The following PCDHA5 variants were observed in gnomAD, a reference collection of about 807,000 sequenced individuals.
The protein encoded by PCDHA5 is protocadherin alpha-5.
In PCDHA5, 43 loss-of-function variants were observed where a neutral mutation model predicts 61.6. The observed-to-expected ratio is 0.70, with a 90% confidence interval of 0.55 to 0.90. PCDHA5 has a LOEUF of 0.90. Among genes scored for constraint, PCDHA5 ranks in the 40% least tolerant of loss-of-function variants. The pLI is 0.00. For missense variants in PCDHA5, 1,298 were observed against 1,222.7 expected (o/e 1.06, Z -0.92); for synonymous variants, 627 against 543.9 (o/e 1.15, Z -2.13).
intron 1 of PCDHA5, among the ~76,000 whole-genome samples, chr5:140,938,027 T>C (rs1372788447): frequency 6.6e-6 from 1 of 152,220 alleles, no homozygotes; most frequent in Non-Finnish European, 1.5e-5. Flanking sequence ...TAAAATCTCA[T>C]ATTTTTATAT....
chr5:140,891,040 C>A (rs2062916193), intron 1 of PCDHA5, among the ~76,000 whole-genome samples: 1 of 145,080 alleles, frequency 6.9e-6, no homozygotes, highest in Admixed American at 6.6e-5. Context: ...TTAGGTGTGA[C>A]CCCCACAGCA....
In PCDHA5 at chr5:140,824,078, T is replaced by A; in HGVS notation, c.2303T>A (p.Leu768His). The change falls in exon 1 of 4, where the codon CTC (leucine) becomes CAC (histidine). Residue 768 changes from leucine to histidine, a missense_variant. By Grantham distance (99) the Leu-to-His change is moderately conservative. Transcript: ENST00000529859. The part of the protein sequence containing the change: ...CSGEAPPKTD[L>H]MAFSPSLPQG... The stretch of plus-strand genomic sequence containing the variant: ...GGGGAAGCTCCACCCAAAACAGACC[T>A]CATGGCCTTCAGTCCAAGCCTTCCT... The A allele has an allele frequency of 6.2e-7, 1 of 1,614,194 alleles. No homozygotes were observed. Among genetic ancestry groups the A allele is most frequent in the South Asian group, 1.1e-5 (1 of 91,084 alleles).
Position 140,882,762 on chromosome 5 carries a change from A to G in PCDHA5, c.2352+58635A>G, listed in dbSNP as rs2059298878. 1.9e-6 allele frequency: 3 copies of G among 1,614,200 alleles called. No individual in the cohort carries two copies. The East Asian group carries it at 6.7e-5, about 36-fold the overall frequency. On this transcript the variant is annotated intron_variant, in intron 1 of 3. Transcript: ENST00000529859. ...GCATCCGATGCAGATATTGGAGTAA[A>G]CTCGGCATTGACCTACCGACTGGAT... is the stretch of plus-strand genomic sequence containing the variant.
At chr5:140,946,477 T>C (rs1223421073) in intron 1 of PCDHA5, among the ~76,000 whole-genome samples, 2 of 151,720 alleles carry the variant, frequency 1.3e-5, no homozygotes, top group Non-Finnish European at 2.9e-5. Flanking sequence ...ACTGGGTATA[T>C]ATCCAAAGGA....
At chr5:140,857,904 T>C in intron 1 of PCDHA5, 2 of 1,597,710 alleles carry the variant, frequency 1.3e-6, no homozygotes, top group South Asian at 1.1e-5. Context: ...GGTGCACGCA[T>C]CCCGTTTCGC....
chr5:140,993,811 G>A (rs1554253953), intron 3 of PCDHA5, among the ~76,000 whole-genome samples: 3 of 152,154 alleles, frequency 2.0e-5, no homozygotes, highest in African/African-American at 2.4e-5. Flanking sequence ...TGTAGCCTAG[G>A]AGCAATAGGC....
intron 1 of PCDHA5, among the ~76,000 whole-genome samples, chr5:140,873,080 C>G (rs1582109442): frequency 2.6e-5 from 4 of 151,946 alleles, no homozygotes; most frequent in Admixed American, 2.6e-4. Context: ...CTAGCTATTT[C>G]CCCCCCGTAT....
rs901766941 is a variant in PCDHA5 at position 140,982,266 on chromosome 5, G to A, written c.2412-209G>A. The A allele has an allele frequency of 6.1e-5, 54 of 879,038 alleles. No homozygotes were observed. In the African/African-American group the frequency reaches 7.6e-4, roughly 12 times the overall value. The allele number at this position is 879,038 out of a possible 1,614,324, so 54.5% of individuals were successfully genotyped here. ...TAAAGATAGAACATGTGTGTTCCTG[G>A]AATAGTATAGCAGGCAATAAGTAAG... On this transcript the variant is annotated intron_variant, in intron 2 of 3. Coordinates refer to ENST00000529859, the MANE Select transcript of PCDHA5 (RefSeq NM_018908.3).
At chr5:140,921,621 A>G (rs1274986378) in intron 1 of PCDHA5, among the ~76,000 whole-genome samples, 1 of 152,222 alleles carries the variant, frequency 6.6e-6, no homozygotes, top group African/African-American at 2.4e-5. Context: ...ATATCATCAG[A>G]TCATCATTAT....
chr5:140,972,399 T>C (rs1554234105), intron 1 of PCDHA5, among the ~76,000 whole-genome samples: 2 of 152,062 alleles, frequency 1.3e-5, no homozygotes, highest in South Asian at 2.1e-4. Context: ...TGCTTCACTA[T>C]TGGCAAACCC....
chr5:140,998,442 T>G lies in PCDHA5; in HGVS notation c.2501-11185T>G, dbSNP rs368931467. On this transcript the variant is annotated intron_variant, in intron 3 of 3. Coordinates refer to ENST00000529859, the MANE Select transcript of PCDHA5 (RefSeq NM_018908.3). ...GGTTTATCCTTTAACACTATTATTGTATTTATTCATTTACTTGTCTTTTCC... is the reference window on the plus strand; with the variant it reads ...GGTTTATCCTTTAACACTATTATTGGATTTATTCATTTACTTGTCTTTTCC... 1.7e-4 allele frequency among the ~76,000 whole-genome samples: 26 copies of G among 152,352 alleles called. No individual in the cohort carries two copies. In the South Asian group the frequency reaches 5.2e-3, roughly 30 times the overall value.
chr5:140,829,250 T>C, intron 1 of PCDHA5: 1 of 1,614,278 alleles, frequency 6.2e-7, no homozygotes, highest in Non-Finnish European at 8.5e-7. Context: ...GCAGGTGAAC[T>C]GCTCGCTGAC....
intron 3 of PCDHA5, among the ~76,000 whole-genome samples, chr5:140,983,431 G>T (rs947907651): frequency 5.3e-5 from 8 of 152,198 alleles, no homozygotes; most frequent in African/African-American, 1.9e-4. Flanking sequence ...ACCACAAATT[G>T]TGTCTACTCT....
rs781792274 is a variant in PCDHA5 at position 140,927,895 on chromosome 5, G to C, written c.2353-51054G>C. ...GCTGGTGGAGGTGACTGACGTGAAC[G>C]ATCATGCCCCCGAACTGGACTTCCT... On this transcript the variant is annotated intron_variant, in intron 1 of 3. Coordinates refer to ENST00000529859, the MANE Select transcript of PCDHA5 (RefSeq NM_018908.3). The C allele has an allele frequency of 3.7e-6, 6 of 1,614,074 alleles. No homozygotes were observed. The South Asian group carries it at 6.6e-5, about 18-fold the overall frequency.
rs143767190 is a variant in PCDHA5, at chr5:140,836,000, T to C, written c.2352+11873T>C. 1,476 of 1,613,102 alleles carry C rather than the reference T, an allele frequency of 9.2e-4. 25 individuals are homozygous for C. In the East Asian group the frequency reaches 0.013, roughly 14 times the overall value. On this transcript the variant is annotated intron_variant, in intron 1 of 3. Transcript: ENST00000529859. ...TGCAGTTCCAGGTGAGCGCGCGCGATGCGGGCGTGCCGCCTCTGGGCAGCA... is the reference window on the plus strand; with the variant it reads ...TGCAGTTCCAGGTGAGCGCGCGCGACGCGGGCGTGCCGCCTCTGGGCAGCA...
intron 1 of PCDHA5, among the ~76,000 whole-genome samples, chr5:140,898,629 C>T (rs2066883647): frequency 1.3e-5 from 2 of 152,194 alleles, no homozygotes; most frequent in Admixed American, 1.3e-4. Context: ...AGCATAATGC[C>T]TCCAGCTTTG....
Position 141,010,271 on chromosome 5 carries a change from C to T in PCDHA5, c.*334C>T, listed in dbSNP as rs1031489236. The T allele has an allele frequency of 5.5e-5, 85 of 1,551,586 alleles. No individual in the cohort carries two copies. The highest frequency in any genetic ancestry group is 7.2e-5 in the Non-Finnish European group (83 of 1,146,992). On this transcript the variant is annotated 3_prime_UTR_variant, in exon 4 of 4. Coordinates refer to ENST00000529859, the MANE Select transcript of PCDHA5 (RefSeq NM_018908.3). ...CTCTCTGCCCTGTGCTCCGGGGATCCTGTCTTGATGACACTTGCAGGGCAG... is the reference window on the plus strand; with the variant it reads ...CTCTCTGCCCTGTGCTCCGGGGATCTTGTCTTGATGACACTTGCAGGGCAG...
In PCDHA5 at chr5:141,009,476, C is replaced by G. The variant is rs970744618; in HGVS notation, c.2501-151C>G. ...TTAAACAAATAAATAAATAAGTAAA[C>G]ACTTGCCTTGCCCTCAGACTTGAAC... On this transcript the variant is annotated intron_variant, in intron 3 of 3. Coordinates refer to ENST00000529859, the MANE Select transcript of PCDHA5 (RefSeq NM_018908.3). 2.3e-5 allele frequency: 32 copies of G among 1,420,036 alleles called. No individual in the cohort carries two copies. The East Asian group carries it at 7.2e-4, about 32-fold the overall frequency. 88.0% of individuals were successfully genotyped at this position (1,420,036 alleles called of 1,614,324 possible).
chr5:140,834,770 C>G lies in PCDHA5; in HGVS notation c.2352+10643C>G, dbSNP rs781912893. 4 of 1,613,922 alleles carry G rather than the reference C, an allele frequency of 2.5e-6. No homozygotes were observed. Among genetic ancestry groups the G allele is most frequent in the African/African-American group, 1.3e-5 (1 of 74,870 alleles). On this transcript the variant is annotated intron_variant, in intron 1 of 3. Transcript: ENST00000529859. ...TGGAGGTGAAGGACATTAACGACAACCCTCCGGTGTTCCCAGCGACACAAA... is the reference window on the plus strand; with the variant it reads ...TGGAGGTGAAGGACATTAACGACAAGCCTCCGGTGTTCCCAGCGACACAAA...
Sources: allele counts gnomAD v4.1 joint callset (sites outside exome capture counted in the v4.1 genomes callset), GRCh38; gene constraint gnomAD v4.1.1; transcripts MANE v1.5; gene names NCBI Gene and HGNC (gene_info 2026-07-23, HGNC 2026-07-21).